The following ADAMTS17 variants were observed in gnomAD, a reference collection of about 807,000 sequenced individuals.
ADAMTS17 encodes the protein A disintegrin and metalloproteinase with thrombospondin motifs 17.
Under a neutral mutation model 141.5 loss-of-function variants are expected in ADAMTS17, and 113 were observed. The ratio of observed to expected loss-of-function variants is 0.80; its 90% CI spans 0.69 to 0.93. The LOEUF (loss-of-function observed/expected upper bound fraction) is 0.93. Among genes scored for constraint, ADAMTS17 ranks in the 40% least tolerant of loss-of-function variants. The pLI is 0.00. For missense variants in ADAMTS17, 1,659 were observed against 1,517.9 expected (o/e 1.09, Z -1.54); for synonymous variants, 768 against 630.6 (o/e 1.22, Z -3.27).
intron 13 of ADAMTS17, 144 bp from the exon 14 acceptor site, chr15:100,109,260 C>CCAGCTCCTCTAAACCCGCGGCA: frequency 1.7e-6 from 2 of 1,165,204 alleles, no homozygotes; most frequent in Non-Finnish European, 1.2e-6. Flanking sequence ...GGTACGCGCT[C>CCAGCTCCTCTAAACCCGCGGCA]CAGGAAGCGG....
chr15:100,109,306 G>A (rs568066637), intron 13 of ADAMTS17, among the ~76,000 whole-genome samples, 190 bp from the exon 14 acceptor site: 8 of 152,310 alleles, frequency 5.3e-5, no homozygotes, highest in Admixed American at 3.9e-4. Context: ...GACAGTGCAG[G>A]ACTGAGCTCT....
intron 8 of ADAMTS17, among the ~76,000 whole-genome samples, chr15:100,187,403 T>G (rs2040757377): frequency 6.6e-6 from 1 of 152,190 alleles, no homozygotes; most frequent in Non-Finnish European, 1.5e-5. Flanking sequence ...TACAGTCACT[T>G]TGTAGGAGTT....
intron 4 of ADAMTS17, among the ~76,000 whole-genome samples, chr15:100,278,226 T>C (rs1017794145): frequency 6.6e-6 from 1 of 151,716 alleles, no homozygotes; most frequent in African/African-American, 2.4e-5. Flanking sequence ...TGGATGGTGG[T>C]GGTGGTTGCA....
intron 7 of ADAMTS17, among the ~76,000 whole-genome samples, chr15:100,204,974 C>G (rs1243751743): frequency 6.6e-6 from 1 of 152,112 alleles, no homozygotes; most frequent in Non-Finnish European, 1.5e-5. Flanking sequence ...CAGGCTAATT[C>G]AGTTTGTTGG....
In ADAMTS17 at chr15:100,180,467, C is replaced by T. The variant is rs150407851; in HGVS notation, c.1181+18851G>A. Among the ~76,000 whole-genome samples, 208 of 152,186 alleles carry T rather than the reference C, an allele frequency of 1.4e-3. 1 individual carries two copies. The highest frequency in any genetic ancestry group is 4.8e-3 in the African/African-American group (198 of 41,516). On this transcript the variant is annotated intron_variant, in intron 8 of 21. Coordinates refer to ENST00000268070, the MANE Select transcript of ADAMTS17 (RefSeq NM_139057.4). The stretch of plus-strand genomic sequence containing the variant: ...TCAGGTAATGTGATTCCTCCAGTTT[C>T]GTTCTTTTTGCTCAGGATAGCTTTT...
At chr15:100,072,312 A>G (rs369298893) in intron 15 of ADAMTS17, among the ~76,000 whole-genome samples, 6 of 148,456 alleles carry the variant, frequency 4.0e-5, no homozygotes, top group Admixed American at 6.8e-5. Context: ...AATCAATATC[A>G]TGAAAATGGC....
At chr15:100,084,069 G>A (rs529864122) in intron 15 of ADAMTS17, among the ~76,000 whole-genome samples, 9 of 152,116 alleles carry the variant, frequency 5.9e-5, no homozygotes, top group African/African-American at 2.2e-4. Flanking sequence ...GAAGTGAAAG[G>A]GGTCAGGGAA....
At chr15:100,234,921 G>C (rs1014961352) in intron 7 of ADAMTS17, among the ~76,000 whole-genome samples, 76 of 152,328 alleles carry the variant, frequency 5.0e-4, no homozygotes, top group African/African-American at 1.8e-3. Flanking sequence ...AAAATATCTG[G>C]AATATTGTGC....
chr15:100,021,607 C>T (rs2141447923), intron 18 of ADAMTS17, among the ~76,000 whole-genome samples: 1 of 152,342 alleles, frequency 6.6e-6, no homozygotes, highest in South Asian at 2.1e-4. Context: ...CATTCCGGTC[C>T]CAGCCAGTCT....
intron 4 of ADAMTS17, among the ~76,000 whole-genome samples, chr15:100,276,613 T>C (rs2044105714): frequency 1.3e-5 from 2 of 151,972 alleles, no homozygotes; most frequent in African/African-American, 4.8e-5. Flanking sequence ...GGCAACCAAC[T>C]CTAGCAGATT....
chr15:100,223,005 T>C (rs1440632331), intron 7 of ADAMTS17, among the ~76,000 whole-genome samples: 5 of 152,210 alleles, frequency 3.3e-5, no homozygotes, highest in Non-Finnish European at 7.3e-5. Context: ...ATTTCTTCCC[T>C]TGAAACACTC....
At chr15:100,316,458 G>A (rs1396161232) in intron 3 of ADAMTS17, among the ~76,000 whole-genome samples, 1 of 152,104 alleles carries the variant, frequency 6.6e-6, no homozygotes, top group African/African-American at 2.4e-5. Context: ...TGTTCCCTTC[G>A]GAATCAAGCC....
intron 15 of ADAMTS17, among the ~76,000 whole-genome samples, chr15:100,061,053 G>A (rs181148732): frequency 9.2e-5 from 14 of 152,284 alleles, no homozygotes; most frequent in Admixed American, 8.5e-4. Context: ...AACCTCCCAC[G>A]GAGGCCCACT....
At chr15:100,320,801 C>T (rs1850407379) in intron 3 of ADAMTS17, among the ~76,000 whole-genome samples, 2 of 151,736 alleles carry the variant, frequency 1.3e-5, no homozygotes, top group African/African-American at 2.4e-5. Flanking sequence ...CCACTGCACT[C>T]CAGCATGGGA....
intron 8 of ADAMTS17, among the ~76,000 whole-genome samples, chr15:100,180,827 C>A (rs2141527675): frequency 6.6e-6 from 1 of 152,280 alleles, no homozygotes; most frequent in African/African-American, 2.4e-5. Context: ...TAGATACTGC[C>A]TATGTTCTCT....
At chr15:100,146,891 G>C (rs34038296) in intron 10 of ADAMTS17, among the ~76,000 whole-genome samples, 16,868 of 152,064 alleles carry the variant, frequency 0.11, 1,145 homozygotes, top group Admixed American at 0.18. Context: ...GGAAATTCCC[G>C]CCTAATAAAT....
At chr15:99,986,965 C>G (rs1427494961) in intron 20 of ADAMTS17, among the ~76,000 whole-genome samples, 3 of 152,188 alleles carry the variant, frequency 2.0e-5, no homozygotes, top group Admixed American at 2.0e-4. Flanking sequence ...GTGTGTCCCT[C>G]ATACACGACC....
intron 5 of ADAMTS17, 53 bp downstream of exon 5, chr15:100,262,299 C>A: frequency 4.5e-6 from 7 of 1,541,014 alleles, no homozygotes; most frequent in Non-Finnish European, 6.3e-6. Context: ...AGTTGAGAAG[C>A]TCCAGCCCAG....
intron 3 of ADAMTS17, among the ~76,000 whole-genome samples, chr15:100,297,624 A>T (rs8037502): frequency 3.3e-5 from 5 of 152,096 alleles, no homozygotes; most frequent in East Asian, 1.9e-4. Context: ...CCACTGGAAT[A>T]GGGCCAGGTA....
Sources: gnomAD v4.1 joint callset for allele counts (sites outside exome capture counted in the v4.1 genomes callset) on GRCh38, gnomAD v4.1.1 for gene constraint, MANE v1.5 for transcripts, NCBI Gene and HGNC (gene_info 2026-07-23, HGNC 2026-07-21) for gene names.